Variants in HMCN1 observed in about 807,000 individuals in gnomAD.
HMCN1 encodes hemicentin-1.
A neutral mutation model predicts 625.9 loss-of-function variants in HMCN1; 321 were observed. The ratio of observed to expected loss-of-function variants is 0.51; its 90% CI spans 0.47 to 0.56. The LOEUF (loss-of-function observed/expected upper bound fraction) is 0.56, where lower values mean the gene tolerates loss of function less well. Among genes scored for constraint, HMCN1 ranks in the 20% least tolerant of loss-of-function variants. The pLI is 0.00. For missense variants in HMCN1, 6,588 were observed against 6,887.3 expected, an observed-to-expected ratio of 0.96 and a Z score of 1.54; for synonymous variants, 2,425 against 2,417.6, an observed-to-expected ratio of 1.00 and a Z score of -0.09.
intron 1 of HMCN1, among the ~76,000 whole-genome samples, chr1:185,763,143 T>C (rs1655622178): frequency 6.6e-6 from 1 of 152,104 alleles, no homozygotes; most frequent in African/African-American, 2.4e-5. Context: ...AGAGATTCTA[T>C]TTTCTGCGGC....
rs143561814 is a variant in HMCN1 at position 186,188,073 on chromosome 1, CAT to C, written c.16541+66_16541+67del. 1,058 of 1,589,154 alleles carry C rather than the reference CAT, an allele frequency of 6.7e-4. 18 individuals are homozygous for C. The East Asian group carries it at 0.022, about 33-fold the overall frequency. On this transcript the variant is annotated intron_variant, in intron 106 of 106. Coordinates refer to ENST00000271588, the MANE Select transcript of HMCN1 (RefSeq NM_031935.3). ...ATCCTTCCTCCCACTCCTTGACCAA[CAT>C]AAACTTTAGTCTCTTGTCATGTGTA...
chr1:186,113,220 A>G (rs1301589077), intron 72 of HMCN1, among the ~76,000 whole-genome samples: 3 of 152,228 alleles, frequency 2.0e-5, no homozygotes, highest in Admixed American at 6.5e-5. Flanking sequence ...ATTCAGAATC[A>G]GAACCATTGA....
At chr1:185,882,385 A>G in intron 4 of HMCN1, among the ~76,000 whole-genome samples, 1 of 149,012 alleles carries the variant, frequency 6.7e-6, no homozygotes, top group East Asian at 1.9e-4. Context: ...TTATTCTTTG[A>G]TTTTGCAGCT....
intron 11 of HMCN1, among the ~76,000 whole-genome samples, chr1:185,950,609 A>C (rs941066011): frequency 3.3e-5 from 5 of 151,858 alleles, no homozygotes; most frequent in African/African-American, 1.2e-4. Context: ...GATAGGTAAC[A>C]GATGAGGAAG....
intron 4 of HMCN1, among the ~76,000 whole-genome samples, chr1:185,890,609 A>G (rs1665004806): frequency 2.3e-5 from 3 of 133,206 alleles, no homozygotes; most frequent in African/African-American, 6.8e-5. Flanking sequence ...GTTTCCATGT[A>G]GTTGAGCGGT....
At chr1:186,076,826 A>C (rs1374718746) in intron 54 of HMCN1, among the ~76,000 whole-genome samples, 2 of 152,130 alleles carry the variant, frequency 1.3e-5, no homozygotes, top group Non-Finnish European at 2.9e-5. Context: ...TAGCTTAGTA[A>C]ACTTTTCAGA....
At chr1:186,066,548 G>A (rs1017154084) in intron 49 of HMCN1, among the ~76,000 whole-genome samples, 45 of 151,968 alleles carry the variant, frequency 3.0e-4, no homozygotes, top group African/African-American at 1.1e-3. Context: ...ACCGTCTACT[G>A]TCTCCACCAC....
intron 1 of HMCN1, among the ~76,000 whole-genome samples, chr1:185,755,519 G>A (rs1655078392): frequency 6.6e-6 from 1 of 152,164 alleles, no homozygotes; most frequent in African/African-American, 2.4e-5. Flanking sequence ...GCGTAGTGCT[G>A]GGATAAGGCT....
At chr1:186,136,991 T>A in intron 87 of HMCN1, 54 bp downstream of exon 87, 2 of 1,594,286 alleles carry the variant, frequency 1.3e-6, no homozygotes, top group Non-Finnish European at 1.7e-6. Context: ...GTGACTCAAA[T>A]CATGGAAATT....
intron 1 of HMCN1, among the ~76,000 whole-genome samples, chr1:185,796,661 CACAT>C (rs1264354051): frequency 6.6e-6 from 1 of 151,264 alleles, no homozygotes; most frequent in Non-Finnish European, 1.5e-5. Context: ...TGTGTATACT[CACAT>C]ATATACACTT....
At chr1:186,131,373 C>T (rs1007582813) in intron 85 of HMCN1, among the ~76,000 whole-genome samples, 2 of 152,100 alleles carry the variant, frequency 1.3e-5, no homozygotes, top group African/African-American at 4.8e-5. Context: ...TGCCATAATA[C>T]TAATATGGCT....
In HMCN1 at chr1:186,093,186, A is replaced by T; in HGVS notation, c.9940A>T (p.Thr3314Ser). 1 of 1,613,370 alleles carries T rather than the reference A, an allele frequency of 6.2e-7. No individual in the cohort carries two copies. The highest frequency in any genetic ancestry group is 1.7e-5 in the Admixed American group (1 of 59,874). The change falls in exon 65 of 107, where the codon ACG (threonine) becomes TCG (serine). Residue 3314 changes from threonine (T) to serine (S), a missense_variant. Transcript: ENST00000271588. ...LNIYGALTSD[T>S]GKYTCVATNP... ...CATTTATGGAGCTCTTACATCTGAC[A>T]CGGGGAAATACACATGTGTTGCTAC...
In HMCN1 at chr1:186,074,803, G is replaced by A. The variant is rs1311868737; in HGVS notation, c.8202G>A (p.Glu2734=). The A allele has an allele frequency of 1.2e-6, 2 of 1,612,986 alleles. No homozygotes were observed. Among genetic ancestry groups the A allele is most frequent in the Non-Finnish European group, 1.7e-6 (2 of 1,179,306 alleles). Residue 2734 remains glutamate, a synonymous_variant, in exon 53 of 107, where the codon GAG becomes GAA. Transcript: ENST00000271588. ...ATGGACACACACTTCAAATAAAGGA[G>A]GCTCAAATATCAGACACCGGACGAT... ...AANGHTLQIK[E]AQISDTGRYT...
intron 1 of HMCN1, among the ~76,000 whole-genome samples, chr1:185,781,472 C>T (rs1657097774): frequency 6.6e-6 from 1 of 152,150 alleles, no homozygotes; most frequent in African/African-American, 2.4e-5. Context: ...CCTGCTTTCT[C>T]TTGTGGGCAT....
intron 11 of HMCN1, among the ~76,000 whole-genome samples, chr1:185,934,601 A>G (rs78238677): frequency 0.027 from 4,110 of 152,272 alleles, 175 homozygotes; most frequent in African/African-American, 0.088. Context: ...ATCTTAATGT[A>G]ATGAACAAAT....
chr1:186,148,222 T>G (rs1191012640), intron 93 of HMCN1, among the ~76,000 whole-genome samples: 1 of 152,220 alleles, frequency 6.6e-6, no homozygotes, highest in African/African-American at 2.4e-5. Flanking sequence ...AGTTTTATCA[T>G]AAGATTGTAG....
At chr1:185,815,979 A>T (rs78631247) in intron 1 of HMCN1, among the ~76,000 whole-genome samples, 3,943 of 150,108 alleles carry the variant, frequency 0.026, 531 homozygotes, top group African/African-American at 0.094. Context: ...ATACCCATTC[A>T]TTGTGTAATG....
At position 186,132,291 on chromosome 1, in the gene HMCN1, G is replaced by A. The variant is rs751555793; in HGVS notation, c.13231-37G>A. 1.2e-5 allele frequency: 17 copies of A among 1,455,396 alleles called. No homozygotes were observed. The South Asian group carries it at 2.0e-4, about 17-fold the overall frequency. 90.2% of individuals were successfully genotyped at this position (1,455,396 alleles called of 1,614,324 possible). A position where few individuals can be genotyped will look rare whatever the true frequency, so the allele number is the denominator to read the frequency against. On this transcript the variant is annotated intron_variant, in intron 85 of 106. Coordinates refer to ENST00000271588, the MANE Select transcript of HMCN1 (RefSeq NM_031935.3). ...AAAAAGTGATTGCCCTGCTCTGTAGGCTCATATTTTTGTAAAAACGCTGCT... is the reference window on the plus strand; with the variant it reads ...AAAAAGTGATTGCCCTGCTCTGTAGACTCATATTTTTGTAAAAACGCTGCT...
intron 6 of HMCN1, among the ~76,000 whole-genome samples, chr1:185,914,868 G>A (rs2102461499): frequency 6.6e-6 from 1 of 151,848 alleles, no homozygotes; most frequent in East Asian, 1.9e-4. Flanking sequence ...TTTGCCACTA[G>A]TATATGCCAC....
Sources: gnomAD v4.1 joint callset for allele counts (sites outside exome capture counted in the v4.1 genomes callset) on GRCh38, gnomAD v4.1.1 for gene constraint, MANE v1.5 for transcripts, NCBI Gene and HGNC (gene_info 2026-07-23, HGNC 2026-07-21) for gene names.